The following DLGAP2 variants were observed in gnomAD, a reference collection of about 807,000 sequenced individuals.
DLGAP2 encodes DLG associated protein 2.
In DLGAP2, 26 loss-of-function variants were observed where a neutral mutation model predicts 100.3. The ratio of observed to expected loss-of-function variants is 0.26; its 90% CI spans 0.19 to 0.36. The LOEUF is 0.36. DLGAP2 is among the 10% of genes least tolerant of loss of function. The pLI, the probability that DLGAP2 is intolerant of heterozygous loss-of-function variation, is 1.00. For missense variants in DLGAP2, 1,858 were observed against 1,453.2 expected, an observed-to-expected ratio of 1.28 and a Z score of -4.53; for synonymous variants, 886 against 630.1, an observed-to-expected ratio of 1.41 and a Z score of -6.08.
intron 2 of DLGAP2, among the ~76,000 whole-genome samples, chr8:1,036,946 G>C (rs780687215): frequency 6.6e-6 from 1 of 151,782 alleles, no homozygotes; most frequent in African/African-American, 2.4e-5. Context: ...CCTAAAGTCC[G>C]TGCTCCTGGT....
At chr8:1,368,381 G>T (rs1198527219) in intron 3 of DLGAP2, among the ~76,000 whole-genome samples, 2 of 152,008 alleles carry the variant, frequency 1.3e-5, no homozygotes, top group South Asian at 2.1e-4. Flanking sequence ...ATGTGCATAT[G>T]TGCATGTGTG....
At chr8:806,513 A>G (rs1428385251) in intron 1 of DLGAP2, among the ~76,000 whole-genome samples, 1 of 152,208 alleles carries the variant, frequency 6.6e-6, no homozygotes, top group Non-Finnish European at 1.5e-5. Context: ...GACTGAGGCA[A>G]GGTAGCACAA....
intron 3 of DLGAP2, among the ~76,000 whole-genome samples, chr8:1,356,486 G>T (rs1373283316): frequency 6.6e-6 from 1 of 152,192 alleles, no homozygotes; most frequent in Non-Finnish European, 1.5e-5. Flanking sequence ...CGGACTCTGG[G>T]TCCTGGTTCT....
chr8:1,198,363 A>G (rs1014998584), intron 2 of DLGAP2, among the ~76,000 whole-genome samples: 2 of 152,152 alleles, frequency 1.3e-5, no homozygotes, highest in African/African-American at 4.8e-5. Flanking sequence ...GTGGGGCGTC[A>G]CGCATGTTGC....
At chr8:742,537 C>T (rs891196073) in intron 1 of DLGAP2, among the ~76,000 whole-genome samples, 3 of 152,242 alleles carry the variant, frequency 2.0e-5, no homozygotes, top group African/African-American at 7.2e-5. Context: ...GAGACAGGGT[C>T]TCCCTCTGTC....
At chr8:1,694,210 G>T (rs1799322045) in intron 13 of DLGAP2, among the ~76,000 whole-genome samples, 2 of 152,234 alleles carry the variant, frequency 1.3e-5, no homozygotes, top group Non-Finnish European at 2.9e-5. Flanking sequence ...TGACACGTTT[G>T]GGGCGGAAGA....
chr8:1,106,641 C>G (rs1485163218), intron 2 of DLGAP2, among the ~76,000 whole-genome samples: 1 of 149,186 alleles, frequency 6.7e-6, no homozygotes, highest in Non-Finnish European at 1.5e-5. Flanking sequence ...GGGAGCCATT[C>G]TAGGATGGTT....
intron 2 of DLGAP2, among the ~76,000 whole-genome samples, chr8:913,911 G>A (rs1405450676): frequency 1.3e-5 from 2 of 152,208 alleles, no homozygotes; most frequent in East Asian, 1.9e-4. Context: ...CACGGCCCCC[G>A]GAGCCCCGGG....
intron 2 of DLGAP2, among the ~76,000 whole-genome samples, chr8:1,226,549 G>A (rs1306450245): frequency 6.6e-6 from 1 of 152,124 alleles, no homozygotes; most frequent in Non-Finnish European, 1.5e-5. Flanking sequence ...GATGGGTGCA[G>A]CAAACCACCA....
chr8:897,345 G>A (rs762058339), intron 1 of DLGAP2, among the ~76,000 whole-genome samples: 2 of 152,184 alleles, frequency 1.3e-5, no homozygotes, highest in African/African-American at 2.4e-5. Flanking sequence ...TGAACACCAC[G>A]ATTGTGCCGA....
intron 3 of DLGAP2, among the ~76,000 whole-genome samples, chr8:1,265,715 G>A (rs1403186936): frequency 8.5e-5 from 13 of 152,184 alleles, no homozygotes; most frequent in Non-Finnish European, 2.9e-5. Flanking sequence ...ACAGACAAGT[G>A]TACTTGATTT....
intron 2 of DLGAP2, among the ~76,000 whole-genome samples, chr8:1,230,661 C>G (rs191337313): frequency 5.3e-5 from 8 of 152,074 alleles, no homozygotes; most frequent in Non-Finnish European, 7.4e-5. Context: ...AAAACAGACA[C>G]ATAAACCAAC....
intron 2 of DLGAP2, among the ~76,000 whole-genome samples, chr8:962,176 G>T (rs566223481): frequency 2.6e-5 from 4 of 152,206 alleles, no homozygotes; most frequent in African/African-American, 9.6e-5. Context: ...ATTTTCCATA[G>T]CACATTTTTA....
intron 2 of DLGAP2, among the ~76,000 whole-genome samples, chr8:1,253,074 C>A (rs1332612150): frequency 6.6e-6 from 1 of 152,188 alleles, no homozygotes; most frequent in Non-Finnish European, 1.5e-5. Context: ...GCAAATGCCG[C>A]CCACGCCCGG....
intron 4 of DLGAP2, among the ~76,000 whole-genome samples, chr8:1,509,707 G>C (rs567925723): frequency 6.6e-6 from 1 of 152,290 alleles, no homozygotes; most frequent in East Asian, 1.9e-4. Context: ...TTAACAAAAA[G>C]AGAAGGGATC....
At chr8:890,198 C>A (rs573317225) in intron 1 of DLGAP2, among the ~76,000 whole-genome samples, 1 of 152,118 alleles carries the variant, frequency 6.6e-6, no homozygotes, top group African/African-American at 2.4e-5. Flanking sequence ...TCAGCCATCT[C>A]GGCCAGAATA....
chr8:978,140 T>A (rs370479774), intron 2 of DLGAP2, among the ~76,000 whole-genome samples: 60 of 89,606 alleles, frequency 6.7e-4, no homozygotes, highest in East Asian at 8.8e-4. Flanking sequence ...GTCTTTGGTG[T>A]TGTGGGGAGG....
intron 2 of DLGAP2, among the ~76,000 whole-genome samples, chr8:1,027,596 G>T (rs1280937138): frequency 3.1e-4 from 17 of 55,434 alleles, no homozygotes; most frequent in Middle Eastern, 0.033. Flanking sequence ...GGGTGCCAGG[G>T]GCCCGTTATT....
chr8:1,103,747 C>T (rs988650036), intron 2 of DLGAP2, among the ~76,000 whole-genome samples: 3 of 134,758 alleles, frequency 2.2e-5, no homozygotes, highest in African/African-American at 5.7e-5. Context: ...CCTTGGTTGA[C>T]GGTGATGACT....
Sources: allele counts gnomAD v4.1 joint callset (sites outside exome capture counted in the v4.1 genomes callset), GRCh38; gene constraint gnomAD v4.1.1; transcripts MANE v1.5; gene names NCBI Gene and HGNC (gene_info 2026-07-23, HGNC 2026-07-21).